SAXO2: variants seen among roughly 807,000 people sequenced by gnomAD.
SAXO2 encodes family with sequence similarity 154, member B.
A neutral mutation model predicts 18.7 loss-of-function variants in SAXO2; 17 were observed. The ratio of observed to expected loss-of-function variants is 0.91; its 90% CI spans 0.62 to 1.36. The LOEUF (loss-of-function observed/expected upper bound fraction) is 1.36, where lower values mean the gene tolerates loss of function less well. Among genes scored for constraint, SAXO2 ranks in the 40% most tolerant of loss-of-function variants. The probability of loss-of-function intolerance (pLI) is 0.00; values close to 1 mark genes in which losing one functional copy is unlikely to be tolerated. For synonymous variants in SAXO2, 163 were observed against 181.2 expected (o/e 0.90, Z 0.81); for missense variants, 486 against 562.6 (o/e 0.86, Z 1.38).
At chr15:82,266,263 C>A (rs1303886824) in intron 2 of SAXO2, among the ~76,000 whole-genome samples, 10 of 152,220 alleles carry the variant, frequency 6.6e-5, no homozygotes, top group Admixed American at 5.2e-4. Context: ...GTTGGACAAG[C>A]CTGACCTAGA....
In SAXO2 at chr15:82,284,081, GTTTGT is replaced by G. The variant is rs1451348333; in HGVS notation, c.*1024_*1028del. 1 of 152,190 alleles carries G rather than the reference GTTTGT, an allele frequency of 6.6e-6. No homozygotes were observed. The highest frequency in any genetic ancestry group is 1.9e-4 in the East Asian group (1 of 5,202). 9.4% of individuals were successfully genotyped at this position (152,190 alleles called of 1,614,324 possible). A position where few individuals can be genotyped will look rare whatever the true frequency, so the allele number is the denominator to read the frequency against. ...AAAATGATGTCTGTTCTCAAAAAGA[GTTTGT>G]TTTGAGCATCAGACTGTATGGTACA... is the stretch of plus-strand genomic sequence containing the variant. On this transcript the variant is annotated 3_prime_UTR_variant, in exon 4 of 4. Coordinates refer to ENST00000682753, the MANE Select transcript of SAXO2 (RefSeq NM_001348699.2).
At chr15:82,272,553 T>C (rs2075282062) in intron 3 of SAXO2, among the ~76,000 whole-genome samples, 1 of 152,150 alleles carries the variant, frequency 6.6e-6, no homozygotes, top group African/African-American at 2.4e-5. Flanking sequence ...GTTTTTGGGT[T>C]TTTTTTGTGA....
rs902701259 is a variant in SAXO2 at position 82,262,884 on chromosome 15, G to T, written c.5G>T (p.Gly2Val). The T allele has an allele frequency of 1.6e-5, 26 of 1,598,122 alleles. No homozygotes were observed. The highest frequency in any genetic ancestry group is 2.1e-5 in the Non-Finnish European group (25 of 1,172,556). The change falls in exon 1 of 4, where the codon GGA becomes GTA. Residue 2 changes from glycine to valine, a missense_variant. Coordinates refer to ENST00000682753, the MANE Select transcript of SAXO2 (RefSeq NM_001348699.2). ...TGAGGCGCGGTGGAGGAAAGCATGG[G>T]AGCCAAGAGTATGAGGAGCTGGTGT... M[G>V]AKSMRSWCLC... is the part of the protein sequence containing the mutation.
intron 3 of SAXO2, among the ~76,000 whole-genome samples, chr15:82,281,501 T>C (rs970237853): frequency 3.9e-5 from 6 of 152,002 alleles, no homozygotes; most frequent in Admixed American, 1.3e-4. Flanking sequence ...TAAAGTCCAT[T>C]TCATGAGGGA....
At chr15:82,268,215 A>T (rs191746221) in intron 2 of SAXO2, among the ~76,000 whole-genome samples, 1 of 152,330 alleles carries the variant, frequency 6.6e-6, no homozygotes, top group East Asian at 1.9e-4. Context: ...TAGAGATTTG[A>T]AATAAATTTT....
intron 2 of SAXO2, among the ~76,000 whole-genome samples, chr15:82,267,558 T>G (rs2075231320): frequency 6.6e-6 from 1 of 152,204 alleles, no homozygotes; most frequent in Non-Finnish European, 1.5e-5. Context: ...ACATCATATT[T>G]CTATAATTTA....
chr15:82,274,401 A>T (rs1016691687), intron 3 of SAXO2, among the ~76,000 whole-genome samples: 3 of 152,034 alleles, frequency 2.0e-5, no homozygotes, highest in African/African-American at 7.2e-5. Context: ...TAACCTATTT[A>T]AAAACAATTC....
chr15:82,274,505 C>T (rs1487341106), intron 3 of SAXO2, among the ~76,000 whole-genome samples: 1 of 151,790 alleles, frequency 6.6e-6, no homozygotes, highest in Non-Finnish European at 1.5e-5. Context: ...AGTTTGAGAC[C>T]AGCCTGGCCA....
intron 3 of SAXO2, among the ~76,000 whole-genome samples, chr15:82,274,140 C>G (rs913518784): frequency 5.9e-5 from 9 of 151,996 alleles, no homozygotes; most frequent in African/African-American, 2.2e-4. Flanking sequence ...ACACAATACA[C>G]GCACACACTT....
rs2075384751 is a variant in SAXO2, at chr15:82,283,328, TTAG to T, written c.*270_*272del. Reference sequence around the variant, plus strand: ...ACTATTTTAGTATTCAACATACTGCTTAGTAGCTTGTCCCCAGTCTATTATCAT... The same window carrying T: ...ACTATTTTAGTATTCAACATACTGCTTAGCTTGTCCCCAGTCTATTATCAT... On this transcript the variant is annotated 3_prime_UTR_variant, in exon 4 of 4. Transcript: ENST00000682753. The T allele has an allele frequency of 4.4e-6, 1 of 226,864 alleles. No individual in the cohort carries two copies. The highest frequency in any genetic ancestry group is 2.3e-5 in the African/African-American group (1 of 43,504). 14.1% of individuals were successfully genotyped at this position (226,864 alleles called of 1,614,324 possible).
chr15:82,265,647 A>G lies in SAXO2; in HGVS notation c.132A>G (p.Glu44=). The change falls in exon 2 of 4, where the codon GAA becomes GAG. Residue 44 remains glutamate (E), a synonymous_variant. Transcript: ENST00000682753. ...TTTGCCCTACAACTGAATATTTGGAAAAATATCCTATGTATGACAATGTTC... is the reference window on the plus strand; with the variant it reads ...TTTGCCCTACAACTGAATATTTGGAGAAATATCCTATGTATGACAATGTTC... The part of the protein sequence containing the change: ...GVFCPTTEYL[E]KYPMYDNVLP... The G allele has an allele frequency of 1.3e-6, 2 of 1,488,692 alleles. No homozygotes were observed. The highest frequency in any genetic ancestry group is 1.8e-6 in the Non-Finnish European group (2 of 1,126,786). The allele number at this position is 1,488,692 out of a possible 1,614,324, so 92.2% of individuals were successfully genotyped here. A position where few individuals can be genotyped will look rare whatever the true frequency, so the allele number is the denominator to read the frequency against.
chr15:82,274,294 T>C (rs2075296496), intron 3 of SAXO2, among the ~76,000 whole-genome samples: 2 of 152,136 alleles, frequency 1.3e-5, no homozygotes, highest in East Asian at 1.9e-4. Context: ...AAAGGTGATA[T>C]TTTGTATTTC....
At chr15:82,267,269 G>C (rs1428352923) in intron 2 of SAXO2, among the ~76,000 whole-genome samples, 1 of 152,138 alleles carries the variant, frequency 6.6e-6, no homozygotes, top group African/African-American at 2.4e-5. Flanking sequence ...TGGTTCTTCC[G>C]GAAAGGCGGG....
chr15:82,274,071 A>G (rs2075294843), intron 3 of SAXO2, among the ~76,000 whole-genome samples: 3 of 151,874 alleles, frequency 2.0e-5, no homozygotes, highest in African/African-American at 7.3e-5. Flanking sequence ...CTTTTTTTCT[A>G]CAAGATCCAT....
chr15:82,273,378 C>T (rs567299220), intron 3 of SAXO2, among the ~76,000 whole-genome samples: 19 of 152,072 alleles, frequency 1.2e-4, no homozygotes. Context: ...AAGAGTGATA[C>T]CATCAATAAT....
chr15:82,281,167 G>T (rs1387067457), intron 3 of SAXO2, among the ~76,000 whole-genome samples: 1 of 152,132 alleles, frequency 6.6e-6, no homozygotes, highest in African/African-American at 2.4e-5. Context: ...CAATTCTATG[G>T]TATTTCCTAG....
chr15:82,268,339 T>G (rs2075239000), intron 2 of SAXO2, among the ~76,000 whole-genome samples: 1 of 152,228 alleles, frequency 6.6e-6, no homozygotes, highest in Admixed American at 6.5e-5. Context: ...AATTCTGGAT[T>G]TCCCCTGTTG....
At chr15:82,274,142 C>T (rs1213400186) in intron 3 of SAXO2, among the ~76,000 whole-genome samples, 1 of 152,022 alleles carries the variant, frequency 6.6e-6, no homozygotes, top group Non-Finnish European at 1.5e-5. Flanking sequence ...ACAATACACG[C>T]ACACACTTAT....
intron 2 of SAXO2, among the ~76,000 whole-genome samples, chr15:82,267,244 A>G (rs1411978316): frequency 6.6e-6 from 1 of 152,214 alleles, no homozygotes; most frequent in East Asian, 1.9e-4. Flanking sequence ...GTCAACATAT[A>G]TGTAAGATGA....
Sources: allele counts gnomAD v4.1 joint callset (sites outside exome capture counted in the v4.1 genomes callset), GRCh38; gene constraint gnomAD v4.1.1; transcripts MANE v1.5; gene names NCBI Gene and HGNC (gene_info 2026-07-23, HGNC 2026-07-21).